ATG9A: variants seen among roughly 807,000 people sequenced by gnomAD.
ATG9A encodes the protein autophagy related 9A, also known as autophagy-related protein 9A.
ATG9A carries 21 observed loss-of-function variants against 87.1 expected under a neutral mutation model. The observed-to-expected ratio is 0.24, with a 90% confidence interval of 0.17 to 0.35. ATG9A has a LOEUF of 0.35. Among genes scored for constraint, ATG9A ranks in the 10% least tolerant of loss-of-function variants. The pLI is 1.00. For synonymous variants in ATG9A, 422 were observed against 441.3 expected (o/e 0.96, Z 0.55); for missense variants, 836 against 1,107.3 (o/e 0.76, Z 3.48).
Position 219,224,367 on chromosome 2 carries a change from T to C in ATG9A, c.1004A>G (p.Tyr335Cys), listed in dbSNP as rs1354246574. 5 of 1,613,764 alleles carry C rather than the reference T, an allele frequency of 3.1e-6. No homozygotes were observed. The highest frequency in any genetic ancestry group is 2.2e-5 in the East Asian group (1 of 44,880). The change falls in exon 8 of 16, where the codon TAT becomes TGT. Residue 335 changes from tyrosine (Y) to cysteine (C), a missense_variant. Physicochemically the swap from Tyr to Cys is radical, Grantham distance 194. Coordinates refer to ENST00000361242, the MANE Select transcript of ATG9A (RefSeq NM_001077198.3). The surrounding 1 kb of genome is among the most constrained non-coding windows in gnomAD (Gnocchi z 7.7). ...GALGARCWSLYGRCYLRHFNE... is the reference protein window; with the variant it reads ...GALGARCWSLCGRCYLRHFNE... ...GAAGTGGCGGAGGTAGCAGCGGCCATAGAGTGACCAGCAGCGTGCTCCCAG... is the reference window on the plus strand; with the variant it reads ...GAAGTGGCGGAGGTAGCAGCGGCCACAGAGTGACCAGCAGCGTGCTCCCAG...
chr2:219,225,014 C>G (rs1950833229), intron 7 of ATG9A, 57 bp downstream of exon 7: 1 of 1,605,180 alleles, frequency 6.2e-7, no homozygotes, highest in Non-Finnish European at 8.5e-7. Context: ...AGGAATACAC[C>G]CACACCTCCC....
At chr2:219,225,692 A>T in intron 5 of ATG9A, 120 bp from the exon 6 acceptor site, 1 of 1,115,566 alleles carries the variant, frequency 9.0e-7, no homozygotes, top group Non-Finnish European at 1.3e-6. Flanking sequence ...GGCCTGGAGA[A>T]CTCCCAGTGG....
intron 15 of ATG9A, 73 bp from the exon 16 acceptor site, chr2:219,220,525 C>T: frequency 6.3e-7 from 1 of 1,594,896 alleles, no homozygotes; most frequent in Non-Finnish European, 8.6e-7. Flanking sequence ...CCATAGAAAC[C>T]TAGAGGTAAA....
rs1950784198 is a variant in ATG9A at position 219,222,562 on chromosome 2, GC to G, written c.1848+82del. 18 of 1,588,642 alleles carry G rather than the reference GC, an allele frequency of 1.1e-5. No individual in the cohort carries two copies. The South Asian group carries it at 2.1e-4, about 18-fold the overall frequency. ...GCACATACTGAAGAGACAGCAGGAA[GC>G]CTTCCACCCCATGCCCGGTCCCTCA... On this transcript the variant is annotated intron_variant, in intron 11 of 15. Coordinates refer to ENST00000361242, the MANE Select transcript of ATG9A (RefSeq NM_001077198.3). The surrounding 1 kb of genome is among the most constrained non-coding windows in gnomAD (Gnocchi z 4.3).
rs774597204 is a variant in ATG9A at position 219,225,045 on chromosome 2, C to T, written c.516+26G>A. On this transcript the variant is annotated intron_variant, in intron 7 of 15. Coordinates refer to ENST00000361242, the MANE Select transcript of ATG9A (RefSeq NM_001077198.3). Reference sequence around the variant, plus strand: ...CTCCCAATACGTCTTAGACTATGGGCTAACTGCCCAACTTCCCAGTCTTAC... The same window carrying T: ...CTCCCAATACGTCTTAGACTATGGGTTAACTGCCCAACTTCCCAGTCTTAC... The T allele has an allele frequency of 8.1e-6, 13 of 1,613,812 alleles. No homozygotes were observed. The Admixed American group carries it at 1.8e-4, about 23-fold the overall frequency.
Position 219,222,803 on chromosome 2 carries a change from T to C in ATG9A, c.1690A>G (p.Asn564Asp). ...ELSLMHFAITNPGWQPPREST... is the reference protein window; with the variant it reads ...ELSLMHFAITDPGWQPPREST... ...TCACGTGGTGGCTGCCAGCCAGGGT[T>C]GGTGATGGCAAAGTGCATGAGTGAC... is the stretch of plus-strand genomic sequence containing the variant. The change falls in exon 11 of 16, where the codon AAC becomes GAC. Residue 564 changes from asparagine to aspartate, a missense_variant. Asn to Asp is a conservative substitution (Grantham distance 23). Around this residue, in one of 2 missense-constraint regions of ATG9A, gnomAD observed 512 missense variants for 759.6 expected, o/e 0.67. Coordinates refer to ENST00000361242, the MANE Select transcript of ATG9A (RefSeq NM_001077198.3). This position sits in a 1 kb window ranked among gnomAD's most constrained non-coding sequence, Gnocchi z 4.3. The C allele has an allele frequency of 6.2e-7, 1 of 1,614,228 alleles. No homozygotes were observed.
rs941727761 is a variant in ATG9A, at chr2:219,223,368, G to A, written c.1599+217C>T. The stretch of plus-strand genomic sequence containing the variant: ...CTCCCAAAGTGCTGGGATTACAGAC[G>A]TGAGCCACCGCGCCTGGCCGTGTTG... On this transcript the variant is annotated intron_variant, in intron 10 of 15. Transcript: ENST00000361242. This position sits in a 1 kb window ranked among gnomAD's most constrained non-coding sequence, Gnocchi z 4.7. Among the ~76,000 whole-genome samples the A allele has an allele frequency of 2.0e-5, 3 of 152,142 alleles. No homozygotes were observed. Among genetic ancestry groups the A allele is most frequent in the African/African-American group, 2.4e-5 (1 of 41,430 alleles).
chr2:219,228,148 C>T (rs1574835966), intron 2 of ATG9A, 95 bp from the exon 3 acceptor site: 1 of 797,540 alleles, frequency 1.3e-6, no homozygotes, highest in Non-Finnish European at 2.0e-6. Context: ...TACCCTTGGG[C>T]TTTGTCCACT....
chr2:219,222,575 T>C lies in ATG9A; in HGVS notation c.1848+70A>G. 6.2e-7 allele frequency: 1 copy of C among 1,600,062 alleles called. No individual in the cohort carries two copies. Among genetic ancestry groups the C allele is most frequent in the Non-Finnish European group, 8.5e-7 (1 of 1,170,756 alleles). ...AGACAGCAGGAAGCCTTCCACCCCATGCCCGGTCCCTCAACTCCCAGCTCC... is the reference window on the plus strand; with the variant it reads ...AGACAGCAGGAAGCCTTCCACCCCACGCCCGGTCCCTCAACTCCCAGCTCC... On this transcript the variant is annotated intron_variant, in intron 11 of 15. Transcript: ENST00000361242. This position sits in a 1 kb window ranked among gnomAD's most constrained non-coding sequence, Gnocchi z 4.3.
chr2:219,226,739 A>C (rs1950869443), intron 5 of ATG9A, 130 bp downstream of exon 5: 1 of 821,260 alleles, frequency 1.2e-6, no homozygotes, highest in African/African-American at 1.7e-5. Context: ...CAGTCCCTGA[A>C]CTACAAAGGT....
At position 219,223,157 on chromosome 2, in the gene ATG9A, G is replaced by A. The variant is rs1381727894; in HGVS notation, c.1600-264C>T. ...GGCTGGATTGCAGTGGCGTGATCTC[G>A]GCTCACTGCAAGCTCCGCCTCCCAG... On this transcript the variant is annotated intron_variant, in intron 10 of 15. Transcript: ENST00000361242. The surrounding 1 kb of genome is among the most constrained non-coding windows in gnomAD (Gnocchi z 4.7). Among the ~76,000 whole-genome samples the A allele has an allele frequency of 2.0e-5, 3 of 148,862 alleles. No individual in the cohort carries two copies. Among genetic ancestry groups the A allele is most frequent in the South Asian group, 2.1e-4 (1 of 4,748 alleles).
At chr2:219,226,729 C>T in intron 5 of ATG9A, 140 bp downstream of exon 5, 1 of 740,800 alleles carries the variant, frequency 1.3e-6, no homozygotes, top group East Asian at 2.6e-5. Context: ...GTGCCACACC[C>T]AGTCCCTGAA....
chr2:219,221,121 G>GCGGTGGTCT lies in ATG9A; in HGVS notation c.2326_2327insAGACCACCG (p.Glu773_Thr775dup). On this transcript the variant is annotated inframe_insertion, in exon 14 of 16. Coordinates refer to ENST00000361242, the MANE Select transcript of ATG9A (RefSeq NM_001077198.3). Reference sequence around the variant, plus strand: ...GCGCCTCTGGAAGCCCCCATGCAGGGCAGTGGTCTCAGGAGCTCCAGGCCG... The same window carrying GCGGTGGTCT: ...GCGCCTCTGGAAGCCCCCATGCAGGGCGGTGGTCTCAGTGGTCTCAGGAGCTCCAGGCCG... The GCGGTGGTCT allele has an allele frequency of 6.2e-7, 1 of 1,612,840 alleles. No homozygotes were observed. Among genetic ancestry groups the GCGGTGGTCT allele is most frequent in the South Asian group, 1.1e-5 (1 of 90,904 alleles).
chr2:219,222,817 T>C lies in ATG9A; in HGVS notation c.1676A>G (p.His559Arg). 1 of 1,614,196 alleles carries C rather than the reference T, an allele frequency of 6.2e-7. No individual in the cohort carries two copies. The highest frequency in any genetic ancestry group is 8.5e-7 in the Non-Finnish European group (1 of 1,180,036). Residue 559 changes from histidine (H) to arginine (R), a missense_variant, in exon 11 of 16, where the codon CAC becomes CGC. This residue lies in a region of ATG9A where 512 missense variants were observed against 759.6 expected (regional missense o/e 0.67). Coordinates refer to ENST00000361242, the MANE Select transcript of ATG9A (RefSeq NM_001077198.3). The surrounding 1 kb of genome is among the most constrained non-coding windows in gnomAD (Gnocchi z 4.3). ...EDGKTELSLM[H>R]FAITNPGWQP... ...CCAGCCAGGGTTGGTGATGGCAAAG[T>C]GCATGAGTGACAACTCTGTCTTTCC...
At position 219,224,990 on chromosome 2, in the gene ATG9A, G is replaced by A; in HGVS notation, c.516+81C>T. ...TCCTGATTTGTCAATGACAGATAAGGATAACTGATGCCCAGGAATACACCC... is the reference window on the plus strand; with the variant it reads ...TCCTGATTTGTCAATGACAGATAAGAATAACTGATGCCCAGGAATACACCC... On this transcript the variant is annotated intron_variant, in intron 7 of 15. Transcript: ENST00000361242. This position sits in a 1 kb window ranked among gnomAD's most constrained non-coding sequence, Gnocchi z 7.7. 6.3e-7 allele frequency: 1 copy of A among 1,588,942 alleles called. No homozygotes were observed. The highest frequency in any genetic ancestry group is 8.6e-7 in the Non-Finnish European group (1 of 1,160,342).
intron 14 of ATG9A, 64 bp from the exon 15 acceptor site, chr2:219,220,956 G>A (rs1271044871): frequency 6.2e-7 from 1 of 1,606,130 alleles, no homozygotes; most frequent in Non-Finnish European, 8.5e-7. Context: ...AACAGGGCTG[G>A]GGGGCTGCTT....
chr2:219,228,343 C>A, intron 2 of ATG9A, 91 bp downstream of exon 2: 1 of 324,370 alleles, frequency 3.1e-6, no homozygotes, highest in Non-Finnish European at 5.7e-6. Context: ...GAGTCCCTCC[C>A]CCGCCCATCC....
Position 219,223,245 on chromosome 2 carries a change from G to A in ATG9A, c.1599+340C>T, listed in dbSNP as rs1007113541. On this transcript the variant is annotated intron_variant, in intron 10 of 15. Coordinates refer to ENST00000361242, the MANE Select transcript of ATG9A (RefSeq NM_001077198.3). This position sits in a 1 kb window ranked among gnomAD's most constrained non-coding sequence, Gnocchi z 4.7. ...TGGGACTACAGGCGCCCGCTACCACGCCTGGCTAATTTTTTTGTATTTTTA... is the reference window on the plus strand; with the variant it reads ...TGGGACTACAGGCGCCCGCTACCACACCTGGCTAATTTTTTTGTATTTTTA... Among the ~76,000 whole-genome samples, 3 of 152,022 alleles carry A rather than the reference G, an allele frequency of 2.0e-5. No individual in the cohort carries two copies. Among genetic ancestry groups the A allele is most frequent in the East Asian group, 1.9e-4 (1 of 5,178 alleles).
At position 219,222,280 on chromosome 2, in the gene ATG9A, T is replaced by C. The variant is rs1950776564; in HGVS notation, c.2019A>G (p.Thr673=). The C allele has an allele frequency of 1.2e-6, 2 of 1,613,464 alleles. No individual in the cohort carries two copies. The highest frequency in any genetic ancestry group is 1.7e-6 in the Non-Finnish European group (2 of 1,180,028). Residue 673 remains threonine, a synonymous_variant, in exon 12 of 16, where the codon ACA becomes ACG. Coordinates refer to ENST00000361242, the MANE Select transcript of ATG9A (RefSeq NM_001077198.3). This position sits in a 1 kb window ranked among gnomAD's most constrained non-coding sequence, Gnocchi z 4.3. ...GGCCCCGATTTACTCACCCAGAGCCTGTCATGGTGCTGTGAGCCCGGCCTG... is the reference window on the plus strand; with the variant it reads ...GGCCCCGATTTACTCACCCAGAGCCCGTCATGGTGCTGTGAGCCCGGCCTG... ...APTGRAHSTM[T]GSGVDARTAS... is the part of the protein sequence containing the mutation.
Sources: gnomAD v4.1 joint callset for allele counts (sites outside exome capture counted in the v4.1 genomes callset) on GRCh38, gnomAD v4.1.1 for gene constraint, gnomAD v4.1.1 regional missense constraint, Gnocchi (gnomAD v3.1) non-coding constraint, MANE v1.5 for transcripts, NCBI Gene and HGNC (gene_info 2026-07-23, HGNC 2026-07-21) for gene names.